Variants in LOXL2 observed in about 807,000 individuals in gnomAD.
LOXL2 encodes the protein lysyl oxidase homolog 2.
A neutral mutation model predicts 93.0 loss-of-function variants in LOXL2; 70 were observed. That is an observed-to-expected ratio of 0.75 (90% CI 0.62 to 0.92). LOXL2 has a LOEUF of 0.92. Among genes scored for constraint, LOXL2 ranks in the 40% least tolerant of loss-of-function variants. The pLI is 0.00. For synonymous variants in LOXL2, 438 were observed against 413.2 expected (o/e 1.06, Z -0.73); for missense variants, 973 against 1,054.9 (o/e 0.92, Z 1.08).
intron 11 of LOXL2, 74 bp from the exon 12 acceptor site, chr8:23,302,237 A>G (rs780081439): frequency 7.6e-5 from 120 of 1,584,178 alleles, no homozygotes; most frequent in Non-Finnish European, 9.5e-5. Flanking sequence ...CCTGCTTCCA[A>G]GGCCCCTACC....
At chr8:23,376,159 A>G (rs938668983) in intron 1 of LOXL2, among the ~76,000 whole-genome samples, 22 of 152,172 alleles carry the variant, frequency 1.4e-4, no homozygotes, top group African/African-American at 5.1e-4. Context: ...GGGCTGTTGA[A>G]TTTTGTCAAA....
At chr8:23,324,696 C>T (rs1482275097) in intron 6 of LOXL2, among the ~76,000 whole-genome samples, 2 of 152,122 alleles carry the variant, frequency 1.3e-5, no homozygotes, top group East Asian at 1.9e-4. Context: ...GACCACAAGG[C>T]GTGAGGCAGA....
intron 9 of LOXL2, among the ~76,000 whole-genome samples, chr8:23,311,638 T>G (rs555509753): frequency 1.3e-5 from 2 of 152,260 alleles, no homozygotes; most frequent in African/African-American, 4.8e-5. Context: ...GGACTTGGCC[T>G]CCCCTGCATC....
At chr8:23,395,012 T>C (rs1469505544) in intron 1 of LOXL2, among the ~76,000 whole-genome samples, 1 of 152,096 alleles carries the variant, frequency 6.6e-6, no homozygotes, top group African/African-American at 2.4e-5. Flanking sequence ...TCCCAGCACT[T>C]TGGGAGGCCA....
At chr8:23,378,754 C>T (rs552302442) in intron 1 of LOXL2, among the ~76,000 whole-genome samples, 4 of 152,326 alleles carry the variant, frequency 2.6e-5, no homozygotes, top group African/African-American at 4.8e-5. Flanking sequence ...CTTGTGCATT[C>T]GTCACGTAGT....
At chr8:23,375,072 G>A (rs1481413059) in intron 1 of LOXL2, among the ~76,000 whole-genome samples, 1 of 152,090 alleles carries the variant, frequency 6.6e-6, no homozygotes, top group Non-Finnish European at 1.5e-5. Flanking sequence ...GGTTTTTATG[G>A]TTTTAGGTCT....
At chr8:23,393,379 G>T (rs1425812494) in intron 1 of LOXL2, among the ~76,000 whole-genome samples, 1 of 152,198 alleles carries the variant, frequency 6.6e-6, no homozygotes, top group Non-Finnish European at 1.5e-5. Context: ...AGATAAAACT[G>T]AGAGTCCAGA....
chr8:23,300,219 G>T (rs568545078), intron 12 of LOXL2, among the ~76,000 whole-genome samples: 2 of 152,348 alleles, frequency 1.3e-5, no homozygotes, highest in East Asian at 3.9e-4. Flanking sequence ...CCAGTGTTAC[G>T]TGTGGGGTGG....
At chr8:23,314,603 C>T (rs569152503) in intron 9 of LOXL2, among the ~76,000 whole-genome samples, 204 of 150,758 alleles carry the variant, frequency 1.4e-3, no homozygotes, top group African/African-American at 4.6e-3. Context: ...TGAGAACACA[C>T]GGACACAGGA....
At chr8:23,376,493 G>T (rs1340672991) in intron 1 of LOXL2, among the ~76,000 whole-genome samples, 1 of 152,112 alleles carries the variant, frequency 6.6e-6, no homozygotes, top group African/African-American at 2.4e-5. Flanking sequence ...TCTATTGATT[G>T]GAATAGTTTC....
At chr8:23,366,684 G>C (rs1804407017) in intron 2 of LOXL2, among the ~76,000 whole-genome samples, 1 of 152,250 alleles carries the variant, frequency 6.6e-6, no homozygotes, top group African/African-American at 2.4e-5. Flanking sequence ...CAGGAGTATA[G>C]GCAGCTCTGC....
At chr8:23,314,169 A>G (rs1803357693) in intron 9 of LOXL2, among the ~76,000 whole-genome samples, 1 of 152,134 alleles carries the variant, frequency 6.6e-6, no homozygotes, top group Admixed American at 6.5e-5. Flanking sequence ...ATGTAGAGAG[A>G]TAGGAACACT....
At chr8:23,357,099 G>A (rs997841183) in intron 3 of LOXL2, among the ~76,000 whole-genome samples, 41 of 150,322 alleles carry the variant, frequency 2.7e-4, no homozygotes, top group African/African-American at 9.8e-4. Flanking sequence ...ACGGAGTCTC[G>A]CTGTTGTTGG....
chr8:23,347,967 A>G (rs1240562615), intron 3 of LOXL2, among the ~76,000 whole-genome samples: 1 of 152,356 alleles, frequency 6.6e-6, no homozygotes, highest in East Asian at 1.9e-4. Context: ...ATGTCCTTCA[A>G]TGATAGACTG....
In LOXL2 at chr8:23,317,044, G is replaced by C. The variant is rs146073991; in HGVS notation, c.1541C>G (p.Thr514Arg). 1.2e-6 allele frequency: 2 copies of C among 1,614,176 alleles called. No homozygotes were observed. ...GCGGCAGTGCGCCAGGGACAGCTCC[G>C]TTCCCGAGCACTTCACTCCACTCAT... ...VVMSGVKCSG[T>R]ELSLAHCRHD... Residue 514 changes from threonine to arginine, a missense_variant, in exon 9 of 14, where the codon ACG becomes AGG. By Grantham distance (71) the Thr-to-Arg change is moderately conservative. Transcript: ENST00000389131.
In LOXL2 at chr8:23,330,152, C is replaced by T. The variant is rs373485246; in HGVS notation, c.967-1587G>A. ...CATCCTGGCTAACATGGTGAAACCC[C>T]GTCTCTACTAAAAAACAAAAAAATA... On this transcript the variant is annotated intron_variant, in intron 5 of 13. Coordinates refer to ENST00000389131, the MANE Select transcript of LOXL2 (RefSeq NM_002318.3). Among the ~76,000 whole-genome samples the T allele has an allele frequency of 1.3e-3, 199 of 152,092 alleles. 1 individual carries two copies. The highest frequency in any genetic ancestry group is 4.4e-3 in the African/African-American group (183 of 41,498).
intron 9 of LOXL2, among the ~76,000 whole-genome samples, chr8:23,310,114 TCA>T (rs1338406724): frequency 1.3e-5 from 2 of 152,224 alleles, no homozygotes; most frequent in African/African-American, 4.8e-5. Flanking sequence ...TGACAACTCT[TCA>T]GTTATCGGTG....
chr8:23,382,533 A>C (rs1007935634), intron 1 of LOXL2: 4 of 152,074 alleles, frequency 2.6e-5, no homozygotes, highest in African/African-American at 7.3e-5. Flanking sequence ...AAAAAAAAAA[A>C]AAAGTGCAAT....
At chr8:23,371,751 C>CAAAAAAA (rs55780832) in intron 1 of LOXL2, among the ~76,000 whole-genome samples, 10 of 43,900 alleles carry the variant, frequency 2.3e-4, no homozygotes, top group South Asian at 2.3e-3. Flanking sequence ...GAGTCTGTCT[C>CAAAAAAA]AAAAAAAAAA....
Sources: gnomAD v4.1 joint callset for allele counts (sites outside exome capture counted in the v4.1 genomes callset) on GRCh38, gnomAD v4.1.1 for gene constraint, MANE v1.5 for transcripts, NCBI Gene and HGNC (gene_info 2026-07-23, HGNC 2026-07-21) for gene names.